Variants in POLR2F observed in about 807,000 individuals in gnomAD.
The protein encoded by POLR2F is RNA polymerase II, I and III subunit F.
Under a neutral mutation model 22.7 loss-of-function variants are expected in POLR2F, and 12 were observed. That is an observed-to-expected ratio of 0.53 (90% confidence interval 0.34 to 0.86). POLR2F has a LOEUF of 0.86. Ranked by LOEUF, POLR2F falls within the 40% of genes least tolerant of loss-of-function variation. The pLI, the probability that POLR2F is intolerant of heterozygous loss-of-function variation, is 0.02. For synonymous variants in POLR2F, 57 were observed against 66.0 expected (o/e 0.86, Z 0.66); for missense variants, 126 against 171.5 (o/e 0.73, Z 1.48).
intron 1 of POLR2F, among the ~76,000 whole-genome samples, chr22:37,998,413 G>A (rs1182503467): frequency 1.3e-5 from 2 of 152,218 alleles, no homozygotes; most frequent in African/African-American, 4.8e-5. Flanking sequence ...CCCTGGGGAG[G>A]CTGTGGACCC....
chr22:38,029,789 G>C (rs2085048041), downstream of POLR2F, among the ~76,000 whole-genome samples: 1 of 152,162 alleles, frequency 6.6e-6, no homozygotes, highest in Non-Finnish European at 1.5e-5. Flanking sequence ...TTGGATGCAG[G>C]GTTTCCCAGG....
chr22:37,978,068 T>C lies in POLR2F; in HGVS notation c.293+10898T>C. 1.2e-6 allele frequency: 2 copies of C among 1,609,444 alleles called. No individual in the cohort carries two copies. The highest frequency in any genetic ancestry group is 1.7e-6 in the Non-Finnish European group (2 of 1,178,546). ...TGGTACTTGTAGTCCGGGTGGTCTT[T>C]CTTGTGCTGCATACGGAGCCGCTCA... On this transcript the variant is annotated intron_variant, in intron 4 of 4. Transcript: ENST00000405557. The surrounding 1 kb of genome is among the most constrained non-coding windows in gnomAD (Gnocchi z 5.0).
intron 3 of POLR2F, among the ~76,000 whole-genome samples, chr22:37,960,235 T>C (rs1165553713): frequency 6.6e-6 from 1 of 151,346 alleles, no homozygotes; most frequent in East Asian, 1.9e-4. Flanking sequence ...TTTCTTTTTT[T>C]TTTTTTTTGA....
intron 5 of POLR2F, among the ~76,000 whole-genome samples, chr22:38,037,666 C>T (rs1324072631): frequency 2.0e-5 from 3 of 151,464 alleles, no homozygotes; most frequent in Non-Finnish European, 4.4e-5. Flanking sequence ...CATCTCAGCT[C>T]ACTGCAACCT....
intron 5 of POLR2F, among the ~76,000 whole-genome samples, chr22:38,038,013 C>G (rs1052091903): frequency 4.6e-5 from 7 of 151,712 alleles, no homozygotes; most frequent in African/African-American, 1.5e-4. Flanking sequence ...ACCCTAAGCA[C>G]AGTAGGTGCT....
chr22:38,029,846 G>T (rs145808297), downstream of POLR2F, among the ~76,000 whole-genome samples: 223 of 152,314 alleles, frequency 1.5e-3, no homozygotes, highest in Non-Finnish European at 1.9e-3. Context: ...TGGTTGTGGA[G>T]CCTTCGTCCA....
chr22:37,990,751 C>T (rs577387696), intron 1 of POLR2F, among the ~76,000 whole-genome samples: 15 of 152,370 alleles, frequency 9.8e-5, no homozygotes, highest in African/African-American at 3.6e-4. Flanking sequence ...ACCTTCTTCC[C>T]TCTCTGGGCC....
chr22:38,014,980 G>T (rs1367702137), intron 1 of POLR2F, among the ~76,000 whole-genome samples: 1 of 151,388 alleles, frequency 6.6e-6, no homozygotes, highest in Non-Finnish European at 1.5e-5. Flanking sequence ...GCTAATTTTT[G>T]TATTTTTAAT....
chr22:38,018,970 A>G (rs1433529429), intron 1 of POLR2F, among the ~76,000 whole-genome samples: 3 of 152,122 alleles, frequency 2.0e-5, no homozygotes, highest in African/African-American at 7.2e-5. Flanking sequence ...TGGCCTCAGG[A>G]TTTCCAGAAG....
intron 1 of POLR2F, among the ~76,000 whole-genome samples, chr22:38,013,409 G>A (rs1469808157): frequency 6.6e-6 from 1 of 152,190 alleles, no homozygotes; most frequent in Non-Finnish European, 1.5e-5. Flanking sequence ...GCCTCCCAGA[G>A]TGCTGGGATC....
At chr22:38,007,978 G>A (rs1208508101) in intron 1 of POLR2F, among the ~76,000 whole-genome samples, 5 of 152,170 alleles carry the variant, frequency 3.3e-5, no homozygotes, top group Admixed American at 1.3e-4. Context: ...GGTGGCTCAC[G>A]CCTATAATCC....
At chr22:37,964,952 G>A (rs563722999) in intron 3 of POLR2F, among the ~76,000 whole-genome samples, 1 of 152,284 alleles carries the variant, frequency 6.6e-6, no homozygotes, top group Admixed American at 6.5e-5. Context: ...TAAGGGCTAT[G>A]ACACCATCTG....
At chr22:37,994,708 C>T (rs1372658159) in intron 1 of POLR2F, among the ~76,000 whole-genome samples, 6 of 152,138 alleles carry the variant, frequency 3.9e-5, no homozygotes, top group Non-Finnish European at 7.3e-5. Context: ...TTAATAGAGA[C>T]GGGGTTTCAC....
At chr22:37,985,365 C>G (rs1932539251), upstream of POLR2F, 1 of 152,264 alleles carries the variant, frequency 6.6e-6, no homozygotes, top group South Asian at 2.1e-4. Flanking sequence ...TCACGAAGTC[C>G]TCTACTCCCC....
chr22:37,975,102 C>T (rs951079021), intron 4 of POLR2F, among the ~76,000 whole-genome samples: 1 of 152,212 alleles, frequency 6.6e-6, no homozygotes, highest in African/African-American at 2.4e-5. Flanking sequence ...AAAACTGGTC[C>T]TTGTTCCTTT....
intron 1 of POLR2F, among the ~76,000 whole-genome samples, chr22:38,003,616 G>C (rs879349062): frequency 6.6e-6 from 1 of 150,418 alleles, no homozygotes; most frequent in Non-Finnish European, 1.5e-5. Context: ...TCTCACTCTT[G>C]TCACCACTGG....
At chr22:37,983,560 G>C, upstream of POLR2F, 1 of 1,610,252 alleles carries the variant, frequency 6.2e-7, no homozygotes, top group South Asian at 1.1e-5. The surrounding 1 kb of genome is among the most constrained non-coding windows in gnomAD (Gnocchi z 9.5). Context: ...CCTGGCTGAC[G>C]GCCTCGCGGA....
intron 1 of POLR2F, among the ~76,000 whole-genome samples, chr22:38,023,328 ATGTCTGCT>A (rs2084977264): frequency 6.6e-6 from 1 of 152,156 alleles, no homozygotes; most frequent in South Asian, 2.1e-4. Context: ...GACGTCAGTG[ATGTCTGCT>A]TGTCTTCTGT....
chr22:38,020,571 C>G (rs573416834), intron 1 of POLR2F, among the ~76,000 whole-genome samples: 17 of 151,756 alleles, frequency 1.1e-4, no homozygotes, highest in Non-Finnish European at 2.9e-5. Context: ...TGCCCGGCCT[C>G]TACTAAAAAT....
Sources: allele counts gnomAD v4.1 joint callset (sites outside exome capture counted in the v4.1 genomes callset), GRCh38; gene constraint gnomAD v4.1.1; non-coding constraint Gnocchi (gnomAD v3.1); transcripts MANE v1.5; gene names NCBI Gene and HGNC (gene_info 2026-07-23, HGNC 2026-07-21).